Variants in SATL1 observed in about 807,000 individuals in gnomAD.
The protein encoded by SATL1 is spermidine/spermine N(1)-acetyltransferase-like protein 1.
Under a neutral mutation model 51.8 loss-of-function variants are expected in SATL1, and 47 were observed. The observed-to-expected ratio is 0.91, with a 90% confidence interval of 0.72 to 1.16. The LOEUF is 1.16. Among genes scored for constraint, SATL1 ranks in the 50% most tolerant of loss-of-function variants. SATL1 has a pLI of 0.00. For synonymous variants in SATL1, 176 were observed against 182.4 expected (o/e 0.97, Z 0.28); for missense variants, 520 against 526.4 (o/e 0.99, Z 0.12).
chrX:85,182,424 T>A (rs1167364167), intron 2 of SATL1, among the ~76,000 whole-genome samples: 1 of 111,958 alleles, frequency 8.9e-6, no homozygotes, highest in East Asian at 2.8e-4. Flanking sequence ...CAGGATTTCA[T>A]TCTGTTTTAT....
intron 4 of SATL1, among the ~76,000 whole-genome samples, chrX:85,100,390 A>C (rs1215685034): frequency 8.9e-6 from 1 of 111,907 alleles, no homozygotes; most frequent in Non-Finnish European, 1.9e-5. Flanking sequence ...TTGTGTTTCT[A>C]TATAGCAGCA....
Position 85,147,793 on chromosome X carries a change from A to G in SATL1, c.-312-38513T>C, listed in dbSNP as rs1370649521. Among the ~76,000 whole-genome samples the G allele has an allele frequency of 2.7e-5, 3 of 112,217 alleles. No homozygotes were observed. In the Admixed American group the frequency reaches 2.8e-4, roughly 11 times the overall value. ...TGTTAGAAGGGAAACTAACAAACAG[A>G]AAGGACATCCACACCAAAAACCCAT... On this transcript the variant is annotated intron_variant, in intron 2 of 7. Coordinates refer to ENST00000644105, the MANE Select transcript of SATL1 (RefSeq NM_001367857.2).
In SATL1 at chrX:85,093,686, C is replaced by T. The variant is rs774814338; in HGVS notation, c.1876+442G>A. ...GAGTTTGAGACCAGCCTGGGCAACA[C>T]AGACCCTGTTTCTCCAAAAAATAAA... is the stretch of plus-strand genomic sequence containing the variant. On this transcript the variant is annotated intron_variant, in intron 6 of 7. Coordinates refer to ENST00000644105, the MANE Select transcript of SATL1 (RefSeq NM_001367857.2). Among the ~76,000 whole-genome samples the T allele has an allele frequency of 2.7e-5, 3 of 111,526 alleles. No homozygotes were observed. In the East Asian group the frequency reaches 8.5e-4, roughly 32 times the overall value.
intron 2 of SATL1, among the ~76,000 whole-genome samples, chrX:85,126,576 C>G (rs1193175272): frequency 9.0e-6 from 1 of 111,344 alleles, no homozygotes; most frequent in African/African-American, 3.3e-5. Context: ...TCTAGCTACT[C>G]TAGCCCTACT....
intron 2 of SATL1, among the ~76,000 whole-genome samples, chrX:85,200,265 C>T (rs1927661967): frequency 9.0e-6 from 1 of 111,613 alleles, no homozygotes; most frequent in African/African-American, 3.3e-5. Flanking sequence ...AGAACTATAA[C>T]ATCTATGTCT....
intron 2 of SATL1, among the ~76,000 whole-genome samples, chrX:85,192,253 A>G (rs1739535986): frequency 8.9e-6 from 1 of 111,832 alleles, no homozygotes; most frequent in African/African-American, 3.3e-5. Flanking sequence ...TCCAAAACAT[A>G]AATATAATCT....
intron 2 of SATL1, among the ~76,000 whole-genome samples, chrX:85,192,842 T>G (rs1436920164): frequency 8.9e-6 from 1 of 111,947 alleles, no homozygotes; most frequent in Non-Finnish European, 1.9e-5. Context: ...ATACATTATT[T>G]GACTACTTAG....
chrX:85,112,631 C>T (rs759581927), intron 2 of SATL1, among the ~76,000 whole-genome samples: 40 of 111,126 alleles, frequency 3.6e-4, no homozygotes, highest in Non-Finnish European at 5.1e-4. Context: ...CCTTACCAGA[C>T]GAATAATCCT....
At position 85,204,898 on chromosome X, in the gene SATL1, G is replaced by A. The variant is rs574152235; in HGVS notation, c.-313+19307C>T. Among the ~76,000 whole-genome samples the A allele has an allele frequency of 1.8e-4, 20 of 112,070 alleles. No homozygotes were observed. In the South Asian group the frequency reaches 7.4e-3, roughly 42 times the overall value. On this transcript the variant is annotated intron_variant, in intron 2 of 7. Transcript: ENST00000644105. ...AGAACATTTTCTTCTACCAACCTTG[G>A]ACTAAAGCTGATAATAGAAGCCAAA... is the stretch of plus-strand genomic sequence containing the variant.
At chrX:85,128,359 T>A (rs1352408655) in intron 2 of SATL1, among the ~76,000 whole-genome samples, 6 of 112,218 alleles carry the variant, frequency 5.3e-5, no homozygotes, top group Non-Finnish European at 1.1e-4. Context: ...TGAGATGGTA[T>A]CTCATTGTGG....
chrX:85,135,197 C>T (rs1182153785), intron 2 of SATL1, among the ~76,000 whole-genome samples: 1 of 110,812 alleles, frequency 9.0e-6, no homozygotes, highest in Non-Finnish European at 1.9e-5. Context: ...GTAGGGAGAG[C>T]ACCAGGAAGA....
chrX:85,161,836 C>T (rs754638875), intron 2 of SATL1, among the ~76,000 whole-genome samples: 2 of 111,371 alleles, frequency 1.8e-5, no homozygotes, highest in South Asian at 7.5e-4. Flanking sequence ...ACAGACCTCT[C>T]CATCCAAAAC....
At chrX:85,196,670 A>G (rs1210539186) in intron 2 of SATL1, among the ~76,000 whole-genome samples, 1 of 111,876 alleles carries the variant, frequency 8.9e-6, no homozygotes, top group African/African-American at 3.2e-5. Flanking sequence ...TAGAACTGAG[A>G]GTTCAAAAAT....
chrX:85,121,686 TCTCCTGCCCC>T (rs1925512446), intron 2 of SATL1, among the ~76,000 whole-genome samples: 1 of 107,164 alleles, frequency 9.3e-6, no homozygotes, highest in African/African-American at 3.4e-5. Flanking sequence ...TGTCGACCAC[TCTCCTGCCCC>T]CTACCCACCT....
At chrX:85,228,365 C>T (rs373555508) in intron 1 of SATL1, among the ~76,000 whole-genome samples, 3 of 111,106 alleles carry the variant, frequency 2.7e-5, no homozygotes, top group Admixed American at 9.6e-5. Context: ...CCCTTCTCTA[C>T]TGGATCAGTT....
chrX:85,187,918 TG>T (rs1201548653), intron 2 of SATL1, among the ~76,000 whole-genome samples: 1 of 111,130 alleles, frequency 9.0e-6, no homozygotes, highest in African/African-American at 3.3e-5. Flanking sequence ...TTCTCTTTAA[TG>T]TTTTTTTTTT....
At chrX:85,240,783 C>CTT (rs5902874) in intron 1 of SATL1, among the ~76,000 whole-genome samples, 1 of 99,921 alleles carries the variant, frequency 1.0e-5, no homozygotes, top group East Asian at 3.1e-4. Context: ...CTCCTATGTA[C>CTT]TTTTTTTTTT....
intron 2 of SATL1, among the ~76,000 whole-genome samples, chrX:85,220,006 G>GA (rs35859225): frequency 0.035 from 2,789 of 80,157 alleles, 81 homozygotes; most frequent in African/African-American, 0.1. Flanking sequence ...TGAAGAGATA[G>GA]AAAAAAAAAA....
At chrX:85,103,194 G>A (rs1315030564) in intron 4 of SATL1, among the ~76,000 whole-genome samples, 1 of 111,327 alleles carries the variant, frequency 9.0e-6, no homozygotes, top group Non-Finnish European at 1.9e-5. Flanking sequence ...TAGTTTGTTA[G>A]GGCATGGCGC....
Sources: allele counts gnomAD v4.1 joint callset (sites outside exome capture counted in the v4.1 genomes callset), GRCh38; gene constraint gnomAD v4.1.1; transcripts MANE v1.5; gene names NCBI Gene and HGNC (gene_info 2026-07-23, HGNC 2026-07-21).